Variants in PRRC1 observed in about 807,000 individuals in gnomAD.
PRRC1 encodes protein PRRC1.
PRRC1 carries 39 observed loss-of-function variants against 40.7 expected under a neutral mutation model. The observed-to-expected ratio is 0.96, with a 90% CI of 0.74 to 1.25. The LOEUF is 1.25. Among genes scored for constraint, PRRC1 ranks in the 50% most tolerant of loss-of-function variants. PRRC1 has a pLI of 0.00. For synonymous variants in PRRC1, 175 were observed against 193.3 expected, an observed-to-expected ratio of 0.91 and a Z score of 0.79; for missense variants, 573 against 548.3, an observed-to-expected ratio of 1.05 and a Z score of -0.45.
At chr5:127,530,954 T>C (rs1308007931) in intron 5 of PRRC1, among the ~76,000 whole-genome samples, 2 of 152,210 alleles carry the variant, frequency 1.3e-5, no homozygotes, top group African/African-American at 4.8e-5. Flanking sequence ...TTAATTTTTA[T>C]GTACATATCC....
intron 3 of PRRC1, among the ~76,000 whole-genome samples, chr5:127,525,749 G>A (rs187773460): frequency 1.3e-5 from 2 of 152,096 alleles, no homozygotes; most frequent in Admixed American, 6.5e-5. Flanking sequence ...TTTAGTATAT[G>A]ATTTTTTTAT....
In PRRC1 at chr5:127,551,647, G is replaced by C. The variant is rs1768385222; in HGVS notation, c.1129-60G>C. On this transcript the variant is annotated intron_variant, in intron 8 of 8. Transcript: ENST00000296666. ...GAAACACTTTGAAATGTCACTTATA[G>C]CTAGTTCCAATGATATTTTTAAATG... 9 of 1,505,486 alleles carry C rather than the reference G, an allele frequency of 6.0e-6. No homozygotes were observed. In the South Asian group the frequency reaches 1.0e-4, roughly 17 times the overall value. 93.3% of individuals were successfully genotyped at this position (1,505,486 alleles called of 1,614,324 possible).
chr5:127,554,005 A>G lies in PRRC1; in HGVS notation c.*2089A>G. The G allele has an allele frequency of 2.5e-6, 3 of 1,185,190 alleles. No homozygotes were observed. The highest frequency in any genetic ancestry group is 3.5e-6 in the Non-Finnish European group (3 of 867,166). 73.4% of individuals were successfully genotyped at this position (1,185,190 alleles called of 1,614,324 possible). A position where few individuals can be genotyped will look rare whatever the true frequency, so the allele number is the denominator to read the frequency against. On this transcript the variant is annotated 3_prime_UTR_variant, in exon 9 of 9. Coordinates refer to ENST00000296666, the MANE Select transcript of PRRC1 (RefSeq NM_130809.5). ...TGTTCTTGGCCCAGAGTTTTTGAAAAGCAGCGGAGCATGACTGACTTCACA... is the reference window on the plus strand; with the variant it reads ...TGTTCTTGGCCCAGAGTTTTTGAAAGGCAGCGGAGCATGACTGACTTCACA...
intron 1 of PRRC1, among the ~76,000 whole-genome samples, chr5:127,518,435 T>A (rs10044579): frequency 0.12 from 18,614 of 152,270 alleles, 2,256 homozygotes; most frequent in African/African-American, 0.32. Context: ...TTGACAGAAT[T>A]TATAGCCAAT....
intron 4 of PRRC1, among the ~76,000 whole-genome samples, chr5:127,529,260 A>G (rs1268147254): frequency 6.6e-6 from 1 of 151,856 alleles, no homozygotes; most frequent in East Asian, 1.9e-4. Context: ...AAATTGGTAG[A>G]TGATTGGCTG....
At chr5:127,545,252 A>G (rs1413850528) in intron 7 of PRRC1, among the ~76,000 whole-genome samples, 3 of 151,906 alleles carry the variant, frequency 2.0e-5, no homozygotes, top group Non-Finnish European at 4.4e-5. Flanking sequence ...ATCTAGAACT[A>G]GAAATACCAT....
intron 3 of PRRC1, among the ~76,000 whole-genome samples, chr5:127,525,255 G>A (rs1031324450): frequency 3.9e-5 from 6 of 152,080 alleles, no homozygotes; most frequent in Non-Finnish European, 8.8e-5. Flanking sequence ...ATAATACGTG[G>A]TCTTTTGTGA....
In PRRC1 at chr5:127,554,070, T is replaced by A. The variant is rs1714427566; in HGVS notation, c.*2154T>A. On this transcript the variant is annotated 3_prime_UTR_variant, in exon 9 of 9. Coordinates refer to ENST00000296666, the MANE Select transcript of PRRC1 (RefSeq NM_130809.5). ...AGCCTTTTGTTTATTTTGTTGTCCT[T>A]AGATTTCCCTGTTGTAAAAGGGGCA... is the stretch of plus-strand genomic sequence containing the variant. 4 of 634,424 alleles carry A rather than the reference T, an allele frequency of 6.3e-6. No individual in the cohort carries two copies. Among genetic ancestry groups the A allele is most frequent in the African/African-American group, 1.9e-5 (1 of 53,674 alleles). The allele number at this position is 634,424 out of a possible 1,614,324, so 39.3% of individuals were successfully genotyped here.
intron 1 of PRRC1, among the ~76,000 whole-genome samples, chr5:127,518,791 TAGCCGGACTGAGAACTC>T (rs908065676): frequency 6.6e-6 from 1 of 152,008 alleles, no homozygotes; most frequent in African/African-American, 2.4e-5. Flanking sequence ...CAACAGGGTC[TAGCCGGACTGAGAACTC>T]AGTTTTCCAA....
rs1767832303 is a variant in PRRC1 at position 127,533,779 on chromosome 5, G to C, written c.914G>C (p.Gly305Ala). Residue 305 changes from glycine to alanine, a missense_variant, in exon 6 of 9, where the codon GGA (glycine) becomes GCA (alanine). By Grantham distance (60) the Gly-to-Ala change is moderately conservative. Coordinates refer to ENST00000296666, the MANE Select transcript of PRRC1 (RefSeq NM_130809.5). ...IAPQPVGYAAGLKGAQERIDS... is the reference protein window; with the variant it reads ...IAPQPVGYAAALKGAQERIDS... ...CCACAACCAGTGGGCTATGCAGCTG[G>C]ATTAAAAGTGAGTAACAGAACACCA... The C allele has an allele frequency of 6.2e-7, 1 of 1,613,860 alleles. No individual in the cohort carries two copies. Among genetic ancestry groups the C allele is most frequent in the African/African-American group, 1.3e-5 (1 of 74,904 alleles).
chr5:127,526,865 G>A, intron 4 of PRRC1, 87 bp downstream of exon 4: 2 of 1,159,816 alleles, frequency 1.7e-6, no homozygotes, highest in South Asian at 2.2e-5. Flanking sequence ...ATACAGGATG[G>A]CACAAGGAAA....
intron 6 of PRRC1, among the ~76,000 whole-genome samples, chr5:127,536,160 T>C (rs1057192452): frequency 5.9e-5 from 9 of 152,114 alleles, no homozygotes; most frequent in African/African-American, 2.2e-4. Flanking sequence ...AATGCTTCTT[T>C]TCTCTAGTAG....
chr5:127,532,512 C>G (rs1767803251), intron 5 of PRRC1, among the ~76,000 whole-genome samples: 1 of 152,132 alleles, frequency 6.6e-6, no homozygotes, highest in Admixed American at 6.5e-5. Context: ...CTACTCATCA[C>G]AAGCTGAAAA....
Position 127,552,354 on chromosome 5 carries a change from T to C in PRRC1, c.*438T>C. ...TTTTCTGTCAGTCTTTGACTACTTT[T>C]GTATGTGCACACGATCTCAGGGCTG... On this transcript the variant is annotated 3_prime_UTR_variant, in exon 9 of 9. Transcript: ENST00000296666. The C allele has an allele frequency of 9.8e-7, 1 of 1,017,240 alleles. No individual in the cohort carries two copies. The highest frequency in any genetic ancestry group is 1.2e-6 in the Non-Finnish European group (1 of 848,048). The allele number at this position is 1,017,240 out of a possible 1,614,324, so 63.0% of individuals were successfully genotyped here. A position where few individuals can be genotyped will look rare whatever the true frequency, so the allele number is the denominator to read the frequency against.
At position 127,523,543 on chromosome 5, in the gene PRRC1, C is replaced by A. The variant is rs774145348; in HGVS notation, c.64C>A (p.Leu22Met). 5.6e-6 allele frequency: 9 copies of A among 1,612,850 alleles called. No homozygotes were observed. The highest frequency in any genetic ancestry group is 1.7e-5 in the Admixed American group (1 of 59,678). Reference sequence around the variant, plus strand: ...GACTCCTCCACCAAATCCTGCAGGGCTGGCTGCTACTGCTATGTCTTCTAC... The same window carrying A: ...GACTCCTCCACCAAATCCTGCAGGGATGGCTGCTACTGCTATGTCTTCTAC... ...PGTPPPNPAGLAATAMSSTPV... is the reference protein window; with the variant it reads ...PGTPPPNPAGMAATAMSSTPV... Residue 22 changes from leucine to methionine, a missense_variant, in exon 2 of 9, where the codon CTG becomes ATG. Transcript: ENST00000296666.
At chr5:127,536,445 A>G (rs1297941576) in intron 6 of PRRC1, among the ~76,000 whole-genome samples, 1 of 152,110 alleles carries the variant, frequency 6.6e-6, no homozygotes, top group Non-Finnish European at 1.5e-5. Flanking sequence ...ACTTAGATTG[A>G]GAATGTATTT....
Position 127,533,686 on chromosome 5 carries a change from G to A in PRRC1, c.821G>A (p.Arg274Gln), listed in dbSNP as rs1317979521. The A allele has an allele frequency of 3.7e-6, 6 of 1,613,978 alleles. No individual in the cohort carries two copies. Among genetic ancestry groups the A allele is most frequent in the East Asian group, 2.2e-5 (1 of 44,884 alleles). Reference protein sequence around the residue: ...SNKEVKVAAVRDAFQEVFGLA... With the variant: ...SNKEVKVAAVQDAFQEVFGLA... ...AAAGAAGTAAAAGTTGCTGCTGTCC[G>A]AGATGCCTTCCAGGAGGTCTTTGGC... The change falls in exon 6 of 9, where the codon CGA becomes CAA. Residue 274 changes from arginine (R) to glutamine (Q), a missense_variant. Transcript: ENST00000296666.
chr5:127,518,277 C>T (rs1375257090), intron 1 of PRRC1, among the ~76,000 whole-genome samples: 1 of 152,212 alleles, frequency 6.6e-6, no homozygotes, highest in East Asian at 1.9e-4. Context: ...GTCATCACAC[C>T]AGGACCTGCA....
At chr5:127,547,649 T>A (rs1293703709) in intron 7 of PRRC1, among the ~76,000 whole-genome samples, 170 bp from the exon 8 acceptor site, 1 of 74,866 alleles carries the variant, frequency 1.3e-5, no homozygotes, top group Non-Finnish European at 3.0e-5. Flanking sequence ...TAATACAGAG[T>A]AATTTTATCT....
Sources: gnomAD v4.1 joint callset for allele counts (sites outside exome capture counted in the v4.1 genomes callset) on GRCh38, gnomAD v4.1.1 for gene constraint, MANE v1.5 for transcripts, NCBI Gene and HGNC (gene_info 2026-07-23, HGNC 2026-07-21) for gene names.